GPHN: variants seen among roughly 807,000 people sequenced by gnomAD.
The protein encoded by GPHN is gephyrin.
A neutral mutation model predicts 95.5 loss-of-function variants in GPHN; 17 were observed. That is an observed-to-expected ratio of 0.18 (90% CI 0.12 to 0.27). GPHN has a LOEUF of 0.27. Ranked by LOEUF, GPHN falls within the 10% of genes least tolerant of loss-of-function variation. The pLI is 1.00. For synonymous variants in GPHN, 320 were observed against 322.5 expected (o/e 0.99, Z 0.08); for missense variants, 660 against 978.1 (o/e 0.67, Z 4.34).
At chr14:67,573,572 G>A in the GPHN span, among the ~76,000 whole-genome samples, 25 of 152,330 alleles carry the variant, frequency 1.6e-4, no homozygotes, top group African/African-American at 4.3e-4. This position sits in a 1 kb window ranked among gnomAD's most constrained non-coding sequence, Gnocchi z 4.8. Context: ...AAGCCTGGCC[G>A]TGAGTTTCAG....
chr14:67,679,318 T>A, the GPHN span, among the ~76,000 whole-genome samples: 1 of 152,198 alleles, frequency 6.6e-6, no homozygotes, highest in Non-Finnish European at 1.5e-5. Flanking sequence ...AGGCTTAAGT[T>A]TCCAACATAT....
intron 16 of GPHN, 116 bp downstream of exon 16, chr14:67,113,287 CCA>C (rs1458694586): frequency 1.6e-4 from 152 of 959,546 alleles, no homozygotes; most frequent in Admixed American, 5.5e-4. Context: ...ACCAGTGGAT[CCA>C]CATTCTTATA....
the GPHN span, chr14:67,562,834 G>A: frequency 6.2e-7 from 1 of 1,613,570 alleles, no homozygotes; most frequent in African/African-American, 1.3e-5. Context: ...GAGCTGAGCT[G>A]GAGGAAGTGG....
chr14:67,365,648 A>G, the GPHN span, among the ~76,000 whole-genome samples: 1 of 152,170 alleles, frequency 6.6e-6, no homozygotes, highest in East Asian at 1.9e-4. Context: ...TTTTTTAAAC[A>G]TGGTGTACAA....
At chr14:67,626,978 G>A in the GPHN span, among the ~76,000 whole-genome samples, 73 of 152,106 alleles carry the variant, frequency 4.8e-4, no homozygotes, top group African/African-American at 1.7e-3. Context: ...AAGGCCACAT[G>A]TTATATGATT....
intron 8 of GPHN, among the ~76,000 whole-genome samples, chr14:66,944,340 C>T (rs1374051360): frequency 6.6e-6 from 1 of 152,170 alleles, no homozygotes; most frequent in East Asian, 1.9e-4. Context: ...CCCAGGCCAC[C>T]ATTGTAAAAT....
chr14:67,275,995 T>A, the GPHN span, among the ~76,000 whole-genome samples: 11 of 152,276 alleles, frequency 7.2e-5, no homozygotes, highest in Non-Finnish European at 1.2e-4. Context: ...ATTGCATGTA[T>A]TTGATTCTTC....
intron 8 of GPHN, among the ~76,000 whole-genome samples, chr14:66,942,834 A>G (rs2067508258): frequency 6.6e-6 from 1 of 152,186 alleles, no homozygotes; most frequent in African/African-American, 2.4e-5. Flanking sequence ...CAATTTTGAA[A>G]CTGAAGTTTG....
intron 4 of GPHN, among the ~76,000 whole-genome samples, chr14:66,866,620 C>A (rs2063231566): frequency 6.6e-6 from 1 of 152,102 alleles, no homozygotes; most frequent in African/African-American, 2.4e-5. Flanking sequence ...GGTTCTTGAA[C>A]AGGGGTTGGG....
At chr14:67,029,698 C>T (rs2074096950) in intron 10 of GPHN, among the ~76,000 whole-genome samples, 1 of 152,190 alleles carries the variant, frequency 6.6e-6, no homozygotes, top group African/African-American at 2.4e-5. Flanking sequence ...AGTGAAGATA[C>T]ATTAACTAGT....
intron 8 of GPHN, among the ~76,000 whole-genome samples, chr14:66,952,911 G>A (rs2068203909): frequency 6.6e-6 from 1 of 151,814 alleles, no homozygotes; most frequent in Non-Finnish European, 1.5e-5. Flanking sequence ...TGCCAGGCCG[G>A]TCTCAAACTC....
intron 1 of GPHN, among the ~76,000 whole-genome samples, chr14:66,631,979 C>G (rs1172841606): frequency 2.6e-4 from 39 of 152,112 alleles, no homozygotes; most frequent in Non-Finnish European, 2.9e-5. Flanking sequence ...CTACCTTGTT[C>G]CCAATCCAAC....
At position 66,667,362 on chromosome 14, in the gene GPHN, A is replaced by T. The variant is rs116849980; in HGVS notation, c.65-13745A>T. Among the ~76,000 whole-genome samples, 65 of 152,332 alleles carry T rather than the reference A, an allele frequency of 4.3e-4. No homozygotes were observed. In the East Asian group the frequency reaches 0.012, roughly 28 times the overall value. On this transcript the variant is annotated intron_variant, in intron 1 of 22. Transcript: ENST00000478722. Reference sequence around the variant, plus strand: ...AATAGCCCAAGCAATCGTAAGCCTAAAAAACAAAGCTGGAGGCATCACACT... The same window carrying T: ...AATAGCCCAAGCAATCGTAAGCCTATAAAACAAAGCTGGAGGCATCACACT...
At chr14:67,392,127 A>T in the GPHN span, among the ~76,000 whole-genome samples, 1 of 152,244 alleles carries the variant, frequency 6.6e-6, no homozygotes, top group South Asian at 2.1e-4. Flanking sequence ...TGTGTCTGGT[A>T]CACATGTGTG....
At chr14:66,963,517 G>A (rs550375950) in intron 8 of GPHN, among the ~76,000 whole-genome samples, 15 of 152,078 alleles carry the variant, frequency 9.9e-5, no homozygotes, top group Admixed American at 4.6e-4. Flanking sequence ...CTGTAAGTAT[G>A]GTCATTGCTA....
intron 1 of GPHN, among the ~76,000 whole-genome samples, chr14:66,665,178 A>G (rs1256055551): frequency 6.6e-6 from 1 of 152,160 alleles, no homozygotes; most frequent in African/African-American, 2.4e-5. Flanking sequence ...GAGATACAAA[A>G]ACAAAAGAAA....
the GPHN span, among the ~76,000 whole-genome samples, chr14:67,211,255 T>C: frequency 6.6e-6 from 1 of 151,742 alleles, no homozygotes; most frequent in African/African-American, 2.4e-5. Context: ...ATAGATAAAA[T>C]ATAGGTGGGA....
At chr14:67,097,448 A>G (rs1254758565) in intron 12 of GPHN, among the ~76,000 whole-genome samples, 2 of 152,238 alleles carry the variant, frequency 1.3e-5, no homozygotes, top group Non-Finnish European at 1.5e-5. Flanking sequence ...CTTTGCACAT[A>G]TGTTCTCTTT....
At chr14:67,421,572 C>T in the GPHN span, among the ~76,000 whole-genome samples, 2 of 152,218 alleles carry the variant, frequency 1.3e-5, no homozygotes, top group South Asian at 2.1e-4. Context: ...CAAGATAACA[C>T]TACCACCATC....
Sources: allele counts gnomAD v4.1 joint callset (sites outside exome capture counted in the v4.1 genomes callset), GRCh38; gene constraint gnomAD v4.1.1; non-coding constraint Gnocchi (gnomAD v3.1); transcripts MANE v1.5; gene names NCBI Gene and HGNC (gene_info 2026-07-23, HGNC 2026-07-21).